PRR12: variants seen among roughly 807,000 people sequenced by gnomAD.
The protein encoded by PRR12 is proline rich 12, also known as proline-rich protein 12.
Under a neutral mutation model 138.0 loss-of-function variants are expected in PRR12, and 12 were observed. The ratio of observed to expected loss-of-function variants is 0.09; its 90% CI spans 0.06 to 0.14. The LOEUF (loss-of-function observed/expected upper bound fraction) is 0.14. Among genes scored for constraint, PRR12 ranks in the 10% least tolerant of loss-of-function variants. The pLI is 1.00. For missense variants in PRR12, 2,692 were observed against 2,861.3 expected (o/e 0.94, Z 1.35); for synonymous variants, 1,567 against 1,291.7 (o/e 1.21, Z -4.57).
Position 49,625,079 on chromosome 19 carries a change from G to A in PRR12, c.5869-26G>A. 6.2e-7 allele frequency: 1 copy of A among 1,612,472 alleles called. No homozygotes were observed. Among genetic ancestry groups the A allele is most frequent in the Non-Finnish European group, 8.5e-7 (1 of 1,178,646 alleles). ...GGCTGCCAAGTGCCGGGCTGGAGGG[G>A]CTGAGGCATCTCCACTCCTACCCAG... On this transcript the variant is annotated intron_variant, in intron 12 of 13. Transcript: ENST00000418929. This position sits in a 1 kb window ranked among gnomAD's most constrained non-coding sequence, Gnocchi z 5.5.
rs968743364 is a variant in PRR12 at position 49,594,905 on chromosome 19, C to G, written c.570C>G (p.His190Gln). 5 of 1,609,668 alleles carry G rather than the reference C, an allele frequency of 3.1e-6. No individual in the cohort carries two copies. The highest frequency in any genetic ancestry group is 1.7e-5 in the Admixed American group (1 of 59,458). The change falls in exon 4 of 14, where the codon CAC (histidine) becomes CAG (glutamine). Residue 190 changes from histidine to glutamine, a missense_variant. His to Gln is a conservative substitution (Grantham distance 24, BLOSUM62 0). Transcript: ENST00000418929. This position sits in a 1 kb window ranked among gnomAD's most constrained non-coding sequence, Gnocchi z 5.6. ...TCCTGTCCCCTCATGACGTGCTGCA[C>G]CTGAAGCCCTCGCAGGCACCCACGG... ...NGLLSPHDVL[H>Q]LKPSQAPTVP...
At chr19:49,608,693 A>C (rs1376151639) in intron 6 of PRR12, among the ~76,000 whole-genome samples, 2 of 151,968 alleles carry the variant, frequency 1.3e-5, no homozygotes, top group Non-Finnish European at 2.9e-5. Flanking sequence ...AAAAAAACTT[A>C]ACCAGACATG....
intron 6 of PRR12, among the ~76,000 whole-genome samples, chr19:49,611,295 C>A (rs2080864621): frequency 6.6e-6 from 1 of 151,970 alleles, no homozygotes; most frequent in South Asian, 2.1e-4. Flanking sequence ...TGTGCCACTG[C>A]ACTCCAGCCT....
In PRR12 at chr19:49,597,954, C is replaced by T. The variant is rs932922092; in HGVS notation, c.3619C>T (p.Arg1207Trp). 6 of 1,396,690 alleles carry T rather than the reference C, an allele frequency of 4.3e-6. No homozygotes were observed. Among genetic ancestry groups the T allele is most frequent in the African/African-American group, 1.5e-5 (1 of 65,542 alleles). 86.5% of individuals were successfully genotyped at this position (1,396,690 alleles called of 1,614,324 possible). Residue 1207 changes from arginine to tryptophan, a missense_variant, in exon 4 of 14, where the codon CGG (arginine) becomes TGG (tryptophan). This residue lies in a region of PRR12 where 326 missense variants were observed against 344.2 expected (regional missense o/e 0.95). Coordinates refer to ENST00000418929, the MANE Select transcript of PRR12 (RefSeq NM_020719.3). This position sits in a 1 kb window ranked among gnomAD's most constrained non-coding sequence, Gnocchi z 6.3. The part of the protein sequence containing the change: ...AKKPRGRGRG[R>W]GRKAEEAGGT... Reference sequence around the variant, plus strand: ...GAAACCCCGGGGCCGGGGCCGAGGCCGGGGTCGAAAGGCTGAGGAGGCAGG... The same window carrying T: ...GAAACCCCGGGGCCGGGGCCGAGGCTGGGGTCGAAAGGCTGAGGAGGCAGG...
Position 49,591,251 on chromosome 19 carries a change from G to A in PRR12, c.-404G>A, listed in dbSNP as rs981536331. ...CGCAGAGGAGGAGGAGGCGGCGGCGGCGGCGGCGAGAGAGCGAGCACCCAG... is the reference window on the plus strand; with the variant it reads ...CGCAGAGGAGGAGGAGGCGGCGGCGACGGCGGCGAGAGAGCGAGCACCCAG... On this transcript the variant is annotated 5_prime_UTR_variant, in exon 1 of 14. Coordinates refer to ENST00000418929, the MANE Select transcript of PRR12 (RefSeq NM_020719.3). Among the ~76,000 whole-genome samples, 5 of 150,032 alleles carry A rather than the reference G, an allele frequency of 3.3e-5. No individual in the cohort carries two copies. Among genetic ancestry groups the A allele is most frequent in the Admixed American group, 2.6e-4 (4 of 15,176 alleles).
chr19:49,598,365 C>T (rs536900239), intron 4 of PRR12, among the ~76,000 whole-genome samples: 440 of 152,236 alleles, frequency 2.9e-3, no homozygotes, highest in African/African-American at 9.9e-3. Flanking sequence ...TGAGCCACCG[C>T]GCCCGGCCTC....
At chr19:49,593,109 C>T (rs1195468679) in intron 1 of PRR12, among the ~76,000 whole-genome samples, 2 of 152,250 alleles carry the variant, frequency 1.3e-5, no homozygotes, top group African/African-American at 4.8e-5. Context: ...TCCGGGCTCT[C>T]TTTATTCGGG....
chr19:49,621,429 G>A (rs900334599), intron 10 of PRR12, 96 bp from the exon 11 acceptor site: 11 of 959,194 alleles, frequency 1.1e-5, no homozygotes, highest in Middle Eastern at 2.1e-4. Context: ...TCTCTGAGTG[G>A]GAAGGGGATT....
At chr19:49,593,562 C>G (rs1409029435) in intron 2 of PRR12, 123 bp downstream of exon 2, 1 of 593,838 alleles carries the variant, frequency 1.7e-6, no homozygotes, top group African/African-American at 1.9e-5. Flanking sequence ...CCGCCCCTTG[C>G]TGTGTCTCCT....
chr19:49,597,485 G>T lies in PRR12; in HGVS notation c.3150G>T (p.Ala1050=), dbSNP rs1041660172. The change falls in exon 4 of 14, where the codon GCG becomes GCT. Residue 1050 remains alanine (A), a synonymous_variant. Coordinates refer to ENST00000418929, the MANE Select transcript of PRR12 (RefSeq NM_020719.3). The surrounding 1 kb of genome is among the most constrained non-coding windows in gnomAD (Gnocchi z 6.3). ...PPPPPPPPPP[A]PASEPKGGLT... The stretch of plus-strand genomic sequence containing the variant: ...CGCCTCCGCCACCGCCGCCTCCCGC[G>T]CCGGCCTCCGAACCCAAGGGTGGCC... 1.9e-6 allele frequency: 3 copies of T among 1,546,976 alleles called. No homozygotes were observed. The highest frequency in any genetic ancestry group is 2.6e-6 in the Non-Finnish European group (3 of 1,147,310).
In PRR12 at chr19:49,595,187, C is replaced by T; in HGVS notation, c.852C>T (p.Arg284=). Residue 284 remains arginine (R), a synonymous_variant, in exon 4 of 14, where the codon CGC becomes CGT. Transcript: ENST00000418929. ...CGCCGCCTGAGCGGGCCCTGCCACG[C>T]CAGGACACGGTCATCAAGCACTACC... The part of the protein sequence containing the change: ...GPPPPERALP[R]QDTVIKHYQR... 1.2e-6 allele frequency: 2 copies of T among 1,606,768 alleles called. No individual in the cohort carries two copies. The highest frequency in any genetic ancestry group is 1.7e-6 in the Non-Finnish European group (2 of 1,177,920).
chr19:49,624,966 C>T lies in PRR12; in HGVS notation c.5844C>T (p.Leu1948=). Residue 1948 remains leucine, a synonymous_variant, in exon 12 of 14, where the codon CTC becomes CTT. Coordinates refer to ENST00000418929, the MANE Select transcript of PRR12 (RefSeq NM_020719.3). The stretch of plus-strand genomic sequence containing the variant: ...ACAACCGCAAGACGCTCAGCAAGCT[C>T]AAGAGGAGCGTGGTCAGAGCCCAGG... The part of the protein sequence containing the change: ...EPYNRKTLSK[L]KRSVVRAQEF... The T allele has an allele frequency of 1.9e-6, 3 of 1,597,228 alleles. No individual in the cohort carries two copies. Among genetic ancestry groups the T allele is most frequent in the Middle Eastern group, 1.7e-4 (1 of 5,864 alleles).
chr19:49,592,614 C>T (rs1453661435), intron 1 of PRR12, among the ~76,000 whole-genome samples: 3 of 152,138 alleles, frequency 2.0e-5, no homozygotes, highest in Non-Finnish European at 4.4e-5. Flanking sequence ...CCAAGTGTGT[C>T]AGGATTTTCC....
At chr19:49,598,342 G>A (rs2080789791) in intron 4 of PRR12, among the ~76,000 whole-genome samples, 1 of 152,064 alleles carries the variant, frequency 6.6e-6, no homozygotes, top group South Asian at 2.1e-4. Flanking sequence ...CCAAAGTGCT[G>A]GGATTACAGA....
chr19:49,625,298 AC>A lies in PRR12; in HGVS notation c.5964+101del. The A allele has an allele frequency of 6.8e-7, 1 of 1,477,284 alleles. No homozygotes were observed. The highest frequency in any genetic ancestry group is 9.3e-7 in the Non-Finnish European group (1 of 1,073,122). The allele number at this position is 1,477,284 out of a possible 1,614,324, so 91.5% of individuals were successfully genotyped here. A position where few individuals can be genotyped will look rare whatever the true frequency, so the allele number is the denominator to read the frequency against. On this transcript the variant is annotated intron_variant, in intron 13 of 13. Coordinates refer to ENST00000418929, the MANE Select transcript of PRR12 (RefSeq NM_020719.3). The surrounding 1 kb of genome is among the most constrained non-coding windows in gnomAD (Gnocchi z 5.5). ...CAAGCCCAGCCCCATCCTGCCTCAG[AC>A]CCAAGAGTTCAGGTCCTTCTGTCTT...
intron 4 of PRR12, among the ~76,000 whole-genome samples, chr19:49,598,421 C>T (rs1419244500): frequency 6.6e-6 from 1 of 152,066 alleles, no homozygotes. Flanking sequence ...CGCACCTTGG[C>T]ATTTTTGGGG....
intron 11 of PRR12, among the ~76,000 whole-genome samples, chr19:49,622,107 C>T (rs963544597): frequency 2.6e-5 from 4 of 152,046 alleles, no homozygotes; most frequent in Non-Finnish European, 4.4e-5. Flanking sequence ...CTGAGAATTC[C>T]GGGATAGAAT....
In PRR12 at chr19:49,595,401, G is replaced by C. The variant is rs1379781227; in HGVS notation, c.1066G>C (p.Ala356Pro). Residue 356 changes from alanine to proline, a missense_variant, in exon 4 of 14, where the codon GCT becomes CCT. Physicochemically the swap from Ala to Pro is conservative, Grantham distance 27. Around this residue, in one of 11 missense-constraint regions of PRR12, gnomAD observed 523 missense variants for 496.4 expected, o/e 1.05. Transcript: ENST00000418929. ...PSKAGPSGAT[A>P]GASGRATGPE... ...CAAGGCTGGTCCCAGCGGAGCCACG[G>C]CTGGGGCATCTGGCCGGGCCACGGG... is the stretch of plus-strand genomic sequence containing the variant. The C allele has an allele frequency of 6.5e-7, 1 of 1,543,476 alleles. No individual in the cohort carries two copies. The highest frequency in any genetic ancestry group is 1.4e-5 in the African/African-American group (1 of 73,018).
rs372312558 is a variant in PRR12 at position 49,593,428 on chromosome 19, A to G, written c.188A>G (p.His63Arg). The G allele has an allele frequency of 1.3e-6, 2 of 1,551,264 alleles. No homozygotes were observed. Among genetic ancestry groups the G allele is most frequent in the East Asian group, 2.4e-5 (1 of 41,944 alleles). The change falls in exon 2 of 14, where the codon CAC becomes CGC. Residue 63 changes from histidine to arginine, a missense_variant. Around this residue, in one of 11 missense-constraint regions of PRR12, gnomAD observed 211 missense variants for 266.3 expected, o/e 0.79. Transcript: ENST00000418929. ...PHPLQSYATN[H>R]HPAGLSGLFD... ...CCACTGCAAAGCTATGCCACCAACC[A>G]CCACCCGGCAGGTACGGCCCCCATC...
Sources: allele counts gnomAD v4.1 joint callset (sites outside exome capture counted in the v4.1 genomes callset), GRCh38; gene constraint gnomAD v4.1.1; regional missense constraint gnomAD v4.1.1; non-coding constraint Gnocchi (gnomAD v3.1); transcripts MANE v1.5; gene names NCBI Gene and HGNC (gene_info 2026-07-23, HGNC 2026-07-21).